Variants in DNASE1L2 observed in about 807,000 individuals in gnomAD.
DNASE1L2 encodes the protein deoxyribonuclease-1-like 2.
DNASE1L2 carries 35 observed loss-of-function variants against 31.8 expected under a neutral mutation model. The observed-to-expected ratio is 1.10, with a 90% CI of 0.84 to 1.46. The LOEUF is 1.46. Ranked by LOEUF, DNASE1L2 falls within the 40% of genes most tolerant of loss-of-function variation. DNASE1L2 has a pLI of 0.00. For synonymous variants in DNASE1L2, 211 were observed against 186.5 expected (o/e 1.13, Z -1.07); for missense variants, 504 against 418.8 (o/e 1.20, Z -1.77).
chr16:2,236,715 CCGT>C (rs1208233488), intron 1 of DNASE1L2, 60 bp from the exon 2 acceptor site: 25 of 1,437,040 alleles, frequency 1.7e-5, no homozygotes, highest in African/African-American at 2.9e-5. Flanking sequence ...GTCGCACTGG[CCGT>C]CAAGGGGCGG....
rs1390035089 is a variant in DNASE1L2, at chr16:2,236,455, C to G, written c.-145C>G. 3.7e-6 allele frequency: 4 copies of G among 1,078,282 alleles called. No individual in the cohort carries two copies. In the East Asian group the frequency reaches 1.7e-4, roughly 47 times the overall value. 66.8% of individuals were successfully genotyped at this position (1,078,282 alleles called of 1,614,324 possible). ...CCTGCCTTGGTGCCAGAGCTACTGC[C>G]AGAGGGAGTCAGTGCAGTCCTGTGT... On this transcript the variant is annotated 5_prime_UTR_variant, in exon 1 of 7. Coordinates refer to ENST00000320700, the MANE Select transcript of DNASE1L2 (RefSeq NM_001374.3).
At chr16:2,237,349 G>A (rs1204001831) in intron 4 of DNASE1L2, 27 bp from the exon 5 acceptor site, 2 of 1,597,220 alleles carry the variant, frequency 1.3e-6, no homozygotes, top group East Asian at 2.3e-5. Flanking sequence ...CAGGTCGGGG[G>A]CTCAGCGGGT....
Position 2,238,601 on chromosome 16 carries a change from G to C in DNASE1L2, c.*183G>C. The C allele has an allele frequency of 1.4e-6, 1 of 720,998 alleles. No homozygotes were observed. Among genetic ancestry groups the C allele is most frequent in the South Asian group, 1.7e-5 (1 of 59,282 alleles). 44.7% of individuals were successfully genotyped at this position (720,998 alleles called of 1,614,324 possible). ...TACCTCCGTTCCCCATCTGTGGGAC[G>C]GGCTGCATCCAGCGACCTCATGGGG... On this transcript the variant is annotated 3_prime_UTR_variant, in exon 7 of 7. Coordinates refer to ENST00000320700, the MANE Select transcript of DNASE1L2 (RefSeq NM_001374.3).
rs895995925 is a variant in DNASE1L2, at chr16:2,236,534, C to T, written c.-66C>T. The T allele has an allele frequency of 1.2e-4, 148 of 1,226,642 alleles. No individual in the cohort carries two copies. Among genetic ancestry groups the T allele is most frequent in the Non-Finnish European group, 1.4e-4 (141 of 983,734 alleles). 76.0% of individuals were successfully genotyped at this position (1,226,642 alleles called of 1,614,324 possible). The stretch of plus-strand genomic sequence containing the variant: ...TCCCCATCCCCCTAGGATCTCTGAG[C>T]CTCGGGCCTCTGCACCCACATCCAA... On this transcript the variant is annotated 5_prime_UTR_variant, in exon 1 of 7. Coordinates refer to ENST00000320700, the MANE Select transcript of DNASE1L2 (RefSeq NM_001374.3).
intron 6 of DNASE1L2, 64 bp from the exon 7 acceptor site, chr16:2,238,298 C>A (rs2093519108): frequency 6.2e-7 from 1 of 1,602,280 alleles, no homozygotes; most frequent in Admixed American, 1.7e-5. Context: ...CCAGGCCTCA[C>A]CGGCCCCTCC....
At position 2,237,120 on chromosome 16, in the gene DNASE1L2, T is replaced by C. The variant is rs2093513618; in HGVS notation, c.227T>C (p.Ile76Thr). ...GCCGTGTCCGCGCTCATGGAGCAGA[T>C]CAACAGGTGTGGTGGGCAGGGCCCC... ...LSAVSALMEQ[I>T]NSVSEHEYSF... The change falls in exon 3 of 7, where the codon ATC becomes ACC. Residue 76 changes from isoleucine (I) to threonine (T), a missense_variant. Physicochemically the swap from Ile to Thr is moderately conservative, Grantham distance 89. Coordinates refer to ENST00000320700, the MANE Select transcript of DNASE1L2 (RefSeq NM_001374.3). The C allele has an allele frequency of 1.4e-5, 21 of 1,549,618 alleles. No homozygotes were observed. Among genetic ancestry groups the C allele is most frequent in the Non-Finnish European group, 1.7e-5 (20 of 1,147,350 alleles).
intron 5 of DNASE1L2, 48 bp from the exon 6 acceptor site, chr16:2,237,719 C>A: frequency 6.3e-7 from 1 of 1,594,170 alleles, no homozygotes; most frequent in Admixed American, 1.7e-5. Context: ...AGGGCGGGAC[C>A]TCGACGGCTC....
chr16:2,236,457 G>A lies in DNASE1L2; in HGVS notation c.-143G>A. 8.3e-6 allele frequency: 9 copies of A among 1,083,266 alleles called. No homozygotes were observed. Among genetic ancestry groups the A allele is most frequent in the Non-Finnish European group, 1.0e-5 (9 of 893,588 alleles). 67.1% of individuals were successfully genotyped at this position (1,083,266 alleles called of 1,614,324 possible). ...TGCCTTGGTGCCAGAGCTACTGCCA[G>A]AGGGAGTCAGTGCAGTCCTGTGTCG... On this transcript the variant is annotated 5_prime_UTR_variant, in exon 1 of 7. Coordinates refer to ENST00000320700, the MANE Select transcript of DNASE1L2 (RefSeq NM_001374.3).
rs368022036 is a variant in DNASE1L2, at chr16:2,237,610, C to T, written c.552C>T (p.Tyr184=). 1 of 1,610,802 alleles carries T rather than the reference C, an allele frequency of 6.2e-7. No individual in the cohort carries two copies. Among genetic ancestry groups the T allele is most frequent in the Non-Finnish European group, 8.5e-7 (1 of 1,178,952 alleles). Residue 184 remains tyrosine, a synonymous_variant, in exon 5 of 7, where the codon TAC becomes TAT. Coordinates refer to ENST00000320700, the MANE Select transcript of DNASE1L2 (RefSeq NM_001374.3). ...HQAVAEIDAL[Y]DVYLDVIDKW... ...CCGTGGCGGAGATCGACGCGCTCTA[C>T]GACGTGTACCTGGACGTGATCGACA...
In DNASE1L2 at chr16:2,236,868, G is replaced by A. The variant is rs950706463; in HGVS notation, c.52G>A (p.Gly18Arg). 6.9e-6 allele frequency: 11 copies of A among 1,598,272 alleles called. No homozygotes were observed. Among genetic ancestry groups the A allele is most frequent in the Non-Finnish European group, 9.4e-6 (11 of 1,173,548 alleles). The stretch of plus-strand genomic sequence containing the variant: ...CGCACTCTGGGCGCTGGAAGCCGCC[G>A]GGACCGCCGCGCTTCGCATCGGAGC... ...LAALWALEAA[G>R]TAALRIGAFN... is the part of the protein sequence containing the mutation. The change falls in exon 2 of 7, where the codon GGG becomes AGG. Residue 18 changes from glycine to arginine, a missense_variant. Coordinates refer to ENST00000320700, the MANE Select transcript of DNASE1L2 (RefSeq NM_001374.3).
Position 2,237,891 on chromosome 16 carries a change from C to G in DNASE1L2, c.716C>G (p.Thr239Arg). 1 of 1,612,630 alleles carries G rather than the reference C, an allele frequency of 6.2e-7. No individual in the cohort carries two copies. The highest frequency in any genetic ancestry group is 8.5e-7 in the Non-Finnish European group (1 of 1,179,862). ...CTCATCCCTGACAGCGCCGACACCA[C>G]GGTGGGCAACTCAGACTGCGCCTAC... ...KWLIPDSADT[T>R]VGNSDCAYDR... Residue 239 changes from threonine (T) to arginine (R), a missense_variant, in exon 6 of 7, where the codon ACG becomes AGG. Transcript: ENST00000320700.
rs755092100 is a variant in DNASE1L2 at position 2,237,554 on chromosome 16, C to A, written c.496C>A (p.Leu166Met). Residue 166 changes from leucine to methionine, a missense_variant, in exon 5 of 7, where the codon CTG (leucine) becomes ATG (methionine). By Grantham distance (15) the Leu-to-Met change is conservative. Transcript: ENST00000320700. ...PLPAAAQNLV[L>M]IPLHAAPHQA... Reference sequence around the variant, plus strand: ...TCCCGCAGCAGCACAGAACCTGGTGCTGATCCCGCTGCACGCGGCGCCGCA... The same window carrying A: ...TCCCGCAGCAGCACAGAACCTGGTGATGATCCCGCTGCACGCGGCGCCGCA... The A allele has an allele frequency of 3.6e-6, 5 of 1,401,082 alleles. No homozygotes were observed. In the African/African-American group the frequency reaches 6.0e-5, roughly 17 times the overall value. 86.8% of individuals were successfully genotyped at this position (1,401,082 alleles called of 1,614,324 possible). A position where few individuals can be genotyped will look rare whatever the true frequency, so the allele number is the denominator to read the frequency against.
Position 2,237,907 on chromosome 16 carries a change from C to A in DNASE1L2, c.732C>A (p.Asp244Glu). 1.2e-6 allele frequency: 2 copies of A among 1,612,442 alleles called. No individual in the cohort carries two copies. The highest frequency in any genetic ancestry group is 1.7e-6 in the Non-Finnish European group (2 of 1,179,814). ...CCGACACCACGGTGGGCAACTCAGA[C>A]TGCGCCTACGACCGCATTGTGGCCT... is the stretch of plus-strand genomic sequence containing the variant. ...DSADTTVGNS[D>E]CAYDRIVACG... is the part of the protein sequence containing the mutation. Residue 244 changes from aspartate (D) to glutamate (E), a missense_variant, in exon 6 of 7, where the codon GAC (aspartate) becomes GAA (glutamate). Transcript: ENST00000320700.
At position 2,237,485 on chromosome 16, in the gene DNASE1L2, G is replaced by A. The variant is rs914622108; in HGVS notation, c.427G>A (p.Ala143Thr). 3.8e-6 allele frequency: 6 copies of A among 1,567,708 alleles called. No individual in the cohort carries two copies. The highest frequency in any genetic ancestry group is 1.4e-5 in the African/African-American group (1 of 74,012). Residue 143 changes from alanine to threonine, a missense_variant, in exon 5 of 7, where the codon GCC (alanine) becomes ACC (threonine). Ala to Thr is a moderately conservative substitution (Grantham distance 58). Transcript: ENST00000320700. The part of the protein sequence containing the change: ...KFSAPGTGER[A>T]PPLPSRRALT... ...CTCGGCCCCCGGCACCGGTGAGCGG[G>A]CCCCGCCCCTCCCCTCCCGCCGAGC...
Position 2,238,646 on chromosome 16 carries a change from G to T in DNASE1L2, c.*228G>T. 1.7e-6 allele frequency: 1 copy of T among 593,700 alleles called. No homozygotes were observed. Among genetic ancestry groups the T allele is most frequent in the Non-Finnish European group, 3.0e-6 (1 of 331,860 alleles). The allele number at this position is 593,700 out of a possible 1,614,324, so 36.8% of individuals were successfully genotyped here. ...ATGGGGTGTTGTGAGCCCCATGAGGGGTGCAGGGGGCACTGCCCGGCAGAT... is the reference window on the plus strand; with the variant it reads ...ATGGGGTGTTGTGAGCCCCATGAGGTGTGCAGGGGGCACTGCCCGGCAGAT... On this transcript the variant is annotated 3_prime_UTR_variant, in exon 7 of 7. Transcript: ENST00000320700.
intron 6 of DNASE1L2, 69 bp from the exon 7 acceptor site, chr16:2,238,293 C>T (rs2141489433): frequency 6.3e-7 from 1 of 1,596,850 alleles, no homozygotes; most frequent in Admixed American, 1.7e-5. Context: ...GGCACCCAGG[C>T]CTCACCGGCC....
rs2093511102 is a variant in DNASE1L2, at chr16:2,236,463, G to A, written c.-137G>A. 1.8e-6 allele frequency: 2 copies of A among 1,093,994 alleles called. No homozygotes were observed. The highest frequency in any genetic ancestry group is 1.6e-5 in the African/African-American group (1 of 61,036). 67.8% of individuals were successfully genotyped at this position (1,093,994 alleles called of 1,614,324 possible). On this transcript the variant is annotated 5_prime_UTR_variant, in exon 1 of 7. Coordinates refer to ENST00000320700, the MANE Select transcript of DNASE1L2 (RefSeq NM_001374.3). ...GGTGCCAGAGCTACTGCCAGAGGGA[G>A]TCAGTGCAGTCCTGTGTCGGACACG... is the stretch of plus-strand genomic sequence containing the variant.
chr16:2,236,840 G>T lies in DNASE1L2; in HGVS notation c.24G>T (p.Leu8=). 6.3e-7 allele frequency: 1 copy of T among 1,599,450 alleles called. No individual in the cohort carries two copies. ...CCATGGGCGGGCCCCGGGCTCTGCT[G>T]GCCGCACTCTGGGCGCTGGAAGCCG... MGGPRAL[L]AALWALEAAG... Residue 8 remains leucine (L), a synonymous_variant, in exon 2 of 7, where the codon CTG becomes CTT. Transcript: ENST00000320700.
chr16:2,237,484 G>T lies in DNASE1L2; in HGVS notation c.426G>T (p.Arg142=). 4 of 1,574,316 alleles carry T rather than the reference G, an allele frequency of 2.5e-6. No homozygotes were observed. Among genetic ancestry groups the T allele is most frequent in the Non-Finnish European group, 3.4e-6 (4 of 1,161,634 alleles). The change falls in exon 5 of 7, where the codon CGG becomes CGT. Residue 142 remains arginine, a synonymous_variant. Coordinates refer to ENST00000320700, the MANE Select transcript of DNASE1L2 (RefSeq NM_001374.3). Reference sequence around the variant, plus strand: ...TCTCGGCCCCCGGCACCGGTGAGCGGGCCCCGCCCCTCCCCTCCCGCCGAG... The same window carrying T: ...TCTCGGCCCCCGGCACCGGTGAGCGTGCCCCGCCCCTCCCCTCCCGCCGAG... ...VKFSAPGTGE[R]APPLPSRRAL... is the part of the protein sequence containing the mutation.
Sources: gnomAD v4.1 joint callset for allele counts on GRCh38, gnomAD v4.1.1 for gene constraint, MANE v1.5 for transcripts, NCBI Gene and HGNC (gene_info 2026-07-23, HGNC 2026-07-21) for gene names.